Variants in XDH observed in about 807,000 individuals in gnomAD.
XDH encodes xanthine dehydrogenase.
A neutral mutation model predicts 156.1 loss-of-function variants in XDH; 138 were observed. The ratio of observed to expected loss-of-function variants is 0.88; its 90% CI spans 0.77 to 1.02. The LOEUF is 1.02. Ranked by LOEUF, XDH falls within the 50% of genes least tolerant of loss-of-function variation. The pLI, the probability that XDH is intolerant of heterozygous loss-of-function variation, is 0.00. For synonymous variants in XDH, 669 were observed against 625.7 expected (o/e 1.07, Z -1.03); for missense variants, 1,849 against 1,684.9 (o/e 1.10, Z -1.71).
rs886055946 is a variant in XDH, at chr2:31,366,924, G to A, written c.2268C>T (p.Gly756=). 60 of 1,614,074 alleles carry A rather than the reference G, an allele frequency of 3.7e-5. No individual in the cohort carries two copies. The highest frequency in any genetic ancestry group is 4.5e-5 in the Non-Finnish European group (53 of 1,180,042). ...ETHCTIAVPK[G]EAGEMELFVS... Reference sequence around the variant, plus strand: ...CAAAGAGCTCCATCTCCCCTGCCTCGCCTTTTGGAACAGCAATGGTGCAGT... The same window carrying A: ...CAAAGAGCTCCATCTCCCCTGCCTCACCTTTTGGAACAGCAATGGTGCAGT... The change falls in exon 21 of 36, where the codon GGC becomes GGT. Residue 756 remains glycine (G), a synonymous_variant. Coordinates refer to ENST00000379416, the MANE Select transcript of XDH (RefSeq NM_000379.4).
chr2:31,364,365 T>A, intron 23 of XDH, 121 bp from the exon 24 acceptor site: 1 of 1,018,440 alleles, frequency 9.8e-7, no homozygotes, highest in Middle Eastern at 2.1e-4. Context: ...CACCACATCA[T>A]CCCGTGAAAA....
At chr2:31,359,297 T>A (rs1330903093) in intron 24 of XDH, among the ~76,000 whole-genome samples, 3 of 152,082 alleles carry the variant, frequency 2.0e-5, no homozygotes. Context: ...CAAGAATAGT[T>A]TTGGAAGGGC....
intron 4 of XDH, 65 bp from the exon 5 acceptor site, chr2:31,398,764 C>T (rs760036476): frequency 6.2e-6 from 10 of 1,605,786 alleles, no homozygotes; most frequent in African/African-American, 1.3e-5. Flanking sequence ...CCAAAGGACT[C>T]GACTGGAGCC....
At chr2:31,393,885 C>A (rs565790296) in intron 6 of XDH, among the ~76,000 whole-genome samples, 2 of 151,118 alleles carry the variant, frequency 1.3e-5, no homozygotes, top group Non-Finnish European at 2.9e-5. Flanking sequence ...AACACTACAC[C>A]GCTTTACAGG....
chr2:31,367,900 CT>C (rs1345784185), intron 20 of XDH, 60 bp downstream of exon 20: 24 of 1,517,740 alleles, frequency 1.6e-5, no homozygotes, highest in Non-Finnish European at 2.0e-5. Context: ...ATGCATATCT[CT>C]TGAATTTAAT....
chr2:31,414,714 A>C lies in XDH; in HGVS notation c.-48T>G. On this transcript the variant is annotated 5_prime_UTR_variant, in exon 1 of 36. Transcript: ENST00000379416. ...ACTCCAGGTACCTCACTCCTAAGAG[A>C]CACTGGCAGGTAGTTATCACTGCTC... 1 of 1,611,002 alleles carries C rather than the reference A, an allele frequency of 6.2e-7. No individual in the cohort carries two copies.
Position 31,368,641 on chromosome 2 carries a change from ATATGC to A in XDH, c.1995_1999del (p.Ile667TrpfsTer6). ...GGTGTCAGCAACCACAGCACCAATG[ATATGC>A]CCAACACAAGTAACCTAGTAGCAGA... On this transcript the variant is annotated frameshift_variant, in exon 19 of 36. Transcript: ENST00000379416. LOFTEE classifies it high-confidence loss of function. 3 of 1,614,194 alleles carry A rather than the reference ATATGC, an allele frequency of 1.9e-6. No homozygotes were observed. Among genetic ancestry groups the A allele is most frequent in the Non-Finnish European group, 2.5e-6 (3 of 1,180,030 alleles).
At chr2:31,367,409 C>A (rs45584331) in intron 20 of XDH, among the ~76,000 whole-genome samples, 2 of 152,330 alleles carry the variant, frequency 1.3e-5, no homozygotes, top group East Asian at 3.9e-4. Context: ...GGCTTCATAC[C>A]AGGCTTGTTG....
At chr2:31,366,401 C>T (rs1260035395) in intron 21 of XDH, among the ~76,000 whole-genome samples, 1 of 151,870 alleles carries the variant, frequency 6.6e-6, no homozygotes, top group Non-Finnish European at 1.5e-5. Flanking sequence ...GACCAGCTGC[C>T]GAAAACACTG....
At chr2:31,393,079 C>T (rs1350190487) in intron 6 of XDH, among the ~76,000 whole-genome samples, 2 of 152,208 alleles carry the variant, frequency 1.3e-5, no homozygotes, top group South Asian at 2.1e-4. Context: ...GAATGCTCCA[C>T]GTGAGCTTGA....
intron 8 of XDH, among the ~76,000 whole-genome samples, chr2:31,386,780 G>A (rs545867014): frequency 6.6e-6 from 1 of 152,160 alleles, no homozygotes; most frequent in East Asian, 1.9e-4. Flanking sequence ...TTTCACCAGT[G>A]AAAGAAGATC....
At chr2:31,401,798 C>G (rs1687068155) in intron 3 of XDH, among the ~76,000 whole-genome samples, 1 of 152,216 alleles carries the variant, frequency 6.6e-6, no homozygotes, top group Non-Finnish European at 1.5e-5. Flanking sequence ...GGAGGAAACC[C>G]CCAGGCAACA....
intron 1 of XDH, among the ~76,000 whole-genome samples, chr2:31,409,826 G>A (rs1687292969): frequency 6.6e-6 from 1 of 152,182 alleles, no homozygotes; most frequent in Non-Finnish European, 1.5e-5. Context: ...GGAAAAATAA[G>A]TAGGACAGTT....
rs377053109 is a variant in XDH at position 31,401,366 on chromosome 2, A to G, written c.198-38T>C. 2.2e-5 allele frequency: 36 copies of G among 1,607,208 alleles called. No individual in the cohort carries two copies. The African/African-American group carries it at 4.1e-4, about 19-fold the overall frequency. On this transcript the variant is annotated intron_variant, in intron 3 of 35. Coordinates refer to ENST00000379416, the MANE Select transcript of XDH (RefSeq NM_000379.4). The stretch of plus-strand genomic sequence containing the variant: ...ATTAAGGTCATTCCATTTATTGTCC[A>G]CTCAGATCATCAGAATGGGCCTGAC...
At chr2:31,412,847 G>C (rs989249753) in intron 1 of XDH, among the ~76,000 whole-genome samples, 1 of 152,110 alleles carries the variant, frequency 6.6e-6, no homozygotes, top group African/African-American at 2.4e-5. Flanking sequence ...CTTTCTTGCA[G>C]TTTCTGAAGA....
chr2:31,412,454 G>A (rs570005496), intron 1 of XDH, among the ~76,000 whole-genome samples: 3 of 152,210 alleles, frequency 2.0e-5, no homozygotes, highest in African/African-American at 7.2e-5. Flanking sequence ...GACACAGGAA[G>A]GGGAACATCA....
chr2:31,380,858 G>A (rs1350606395), intron 12 of XDH, among the ~76,000 whole-genome samples: 1 of 152,096 alleles, frequency 6.6e-6, no homozygotes, highest in Non-Finnish European at 1.5e-5. Context: ...CATTTCCACC[G>A]TACAGACAGA....
intron 2 of XDH, among the ~76,000 whole-genome samples, chr2:31,404,959 C>G (rs1002382699): frequency 1.3e-5 from 2 of 152,194 alleles, no homozygotes; most frequent in African/African-American, 2.4e-5. Context: ...CTAGACACCC[C>G]CGCTAGGAGA....
At chr2:31,357,749 G>T (rs1005331314) in intron 24 of XDH, among the ~76,000 whole-genome samples, 3 of 151,802 alleles carry the variant, frequency 2.0e-5, no homozygotes, top group Admixed American at 6.6e-5. Flanking sequence ...AATTCTTGAG[G>T]TGATAGATAT....
Sources: gnomAD v4.1 joint callset for allele counts (sites outside exome capture counted in the v4.1 genomes callset) on GRCh38, gnomAD v4.1.1 for gene constraint, MANE v1.5 for transcripts, NCBI Gene and HGNC (gene_info 2026-07-23, HGNC 2026-07-21) for gene names.